FBLN7: variants seen among roughly 807,000 people sequenced by gnomAD.
FBLN7 encodes fibulin 7, also known as fibulin-7.
A neutral mutation model predicts 44.0 loss-of-function variants in FBLN7; 31 were observed. The observed-to-expected ratio is 0.70, with a 90% CI of 0.53 to 0.95. The LOEUF is 0.95. Ranked by LOEUF, FBLN7 falls within the 40% of genes least tolerant of loss-of-function variation. The probability of loss-of-function intolerance (pLI) is 0.00; values close to 1 mark genes in which losing one functional copy is unlikely to be tolerated. For synonymous variants in FBLN7, 262 were observed against 253.4 expected, an observed-to-expected ratio of 1.03 and a Z score of -0.32; for missense variants, 573 against 618.5, an observed-to-expected ratio of 0.93 and a Z score of 0.78.
chr2:112,169,691 C>T (rs932930219), intron 3 of FBLN7, among the ~76,000 whole-genome samples: 7 of 152,144 alleles, frequency 4.6e-5, no homozygotes, highest in African/African-American at 1.4e-4. Flanking sequence ...CCCACAGACA[C>T]GACCCTGGCC....
At chr2:112,206,375 ATGTTCCCTATTATTTTTC>A in the FBLN7 span, among the ~76,000 whole-genome samples, 55 of 152,058 alleles carry the variant, frequency 3.6e-4, no homozygotes, top group African/African-American at 1.3e-3. Flanking sequence ...GGTTTCACTG[ATGTTCCCTATTATTTTTC>A]TGTTTACAGT....
chr2:112,142,768 T>TTG (rs60060928), intron 1 of FBLN7, among the ~76,000 whole-genome samples: 11 of 151,452 alleles, frequency 7.3e-5, no homozygotes, highest in Middle Eastern at 3.4e-3. Context: ...ATGTGTGTGT[T>TTG]TGTGTGTGTG....
chr2:112,165,123 G>A lies in FBLN7; in HGVS notation c.358G>A (p.Val120Met). 1 of 1,614,186 alleles carries A rather than the reference G, an allele frequency of 6.2e-7. No homozygotes were observed. Among genetic ancestry groups the A allele is most frequent in the Non-Finnish European group, 8.5e-7 (1 of 1,180,020 alleles). Residue 120 changes from valine to methionine, a missense_variant, in exon 3 of 8, where the codon GTG becomes ATG. Physicochemically the swap from Val to Met is conservative, Grantham distance 21. Coordinates refer to ENST00000331203, the MANE Select transcript of FBLN7 (RefSeq NM_153214.3). ...CCGGCTGGTCGGGCCCAGCAGCGTG[G>A]TGTGTCTTCCCAATGGCACCTGGAC... ...GFRLVGPSSV[V>M]CLPNGTWTGE...
At chr2:112,204,308 A>G in the FBLN7 span, among the ~76,000 whole-genome samples, 4 of 151,946 alleles carry the variant, frequency 2.6e-5, no homozygotes, top group East Asian at 5.8e-4. Flanking sequence ...TGAGCCTTAG[A>G]TATTTGTGAG....
the FBLN7 span, among the ~76,000 whole-genome samples, chr2:112,208,898 C>A: frequency 1.3e-5 from 2 of 152,098 alleles, no homozygotes; most frequent in Non-Finnish European, 2.9e-5. Context: ...CAAATTAACC[C>A]TCTGGACCTA....
At chr2:112,146,735 A>G (rs1286271153) in intron 1 of FBLN7, among the ~76,000 whole-genome samples, 2 of 152,170 alleles carry the variant, frequency 1.3e-5, no homozygotes, top group African/African-American at 4.8e-5. Flanking sequence ...TACATGGACA[A>G]TCATGTCATC....
the FBLN7 span, among the ~76,000 whole-genome samples, chr2:112,201,599 A>G: frequency 6.6e-6 from 1 of 152,164 alleles, no homozygotes; most frequent in African/African-American, 2.4e-5. Flanking sequence ...CAGGCAGTCC[A>G]GAGTGGCAGG....
At chr2:112,218,275 C>T in the FBLN7 span, among the ~76,000 whole-genome samples, 2 of 152,160 alleles carry the variant, frequency 1.3e-5, no homozygotes, top group South Asian at 4.1e-4. Context: ...ATGAACCTCA[C>T]CCCAAAGGCA....
chr2:112,231,887 T>C, the FBLN7 span: 6 of 1,593,336 alleles, frequency 3.8e-6, no homozygotes, highest in Non-Finnish European at 5.1e-6. Context: ...ATGAGAAAAC[T>C]TGCAGTATTC....
the FBLN7 span, among the ~76,000 whole-genome samples, chr2:112,227,818 A>T: frequency 6.6e-6 from 1 of 151,458 alleles, no homozygotes; most frequent in Admixed American, 6.6e-5. Context: ...GAAACTGAAG[A>T]TCTAAATAAA....
chr2:112,194,992 C>T, the FBLN7 span, among the ~76,000 whole-genome samples: 2 of 152,162 alleles, frequency 1.3e-5, no homozygotes, highest in Admixed American at 1.3e-4. Flanking sequence ...GGAAAGGGAT[C>T]ACTGGAAGAG....
At chr2:112,145,464 A>C (rs1045648396) in intron 1 of FBLN7, among the ~76,000 whole-genome samples, 2 of 152,104 alleles carry the variant, frequency 1.3e-5, no homozygotes, top group Non-Finnish European at 2.9e-5. Flanking sequence ...TATATATTCT[A>C]AATACAAAGC....
At chr2:112,238,375 C>T in the FBLN7 span, 4 of 1,613,682 alleles carry the variant, frequency 2.5e-6, no homozygotes, top group Non-Finnish European at 2.5e-6. Context: ...GCAGCATTTG[C>T]CATTTCTCTG....
chr2:112,166,608 A>G (rs535654193), intron 3 of FBLN7, among the ~76,000 whole-genome samples: 1 of 152,322 alleles, frequency 6.6e-6, no homozygotes, highest in East Asian at 1.9e-4. Context: ...GGAAATGCCA[A>G]TATCTGGTAT....
the FBLN7 span, among the ~76,000 whole-genome samples, chr2:112,219,588 T>C: frequency 6.6e-6 from 1 of 152,222 alleles, no homozygotes; most frequent in Non-Finnish European, 1.5e-5. Context: ...TTTTGAGCGA[T>C]TTTCTTAGCA....
At chr2:112,186,337 T>G (rs1467081188) in intron 7 of FBLN7, among the ~76,000 whole-genome samples, 1 of 152,194 alleles carries the variant, frequency 6.6e-6, no homozygotes. Context: ...CAGGGCTTCC[T>G]GCGTTGAGAA....
At chr2:112,172,226 CTT>C (rs1682502370) in intron 3 of FBLN7, among the ~76,000 whole-genome samples, 1 of 152,170 alleles carries the variant, frequency 6.6e-6, no homozygotes, top group Admixed American at 6.5e-5. Flanking sequence ...TTTTTTAACA[CTT>C]TGTTTGAATC....
chr2:112,178,212 G>C (rs1479885664), intron 4 of FBLN7, among the ~76,000 whole-genome samples: 1 of 146,192 alleles, frequency 6.8e-6, no homozygotes, highest in Non-Finnish European at 1.5e-5. Flanking sequence ...TTATGTTCCT[G>C]GCAAAAACCA....
At chr2:112,233,374 A>T in the FBLN7 span, 8 of 1,556,944 alleles carry the variant, frequency 5.1e-6, no homozygotes, top group African/African-American at 1.1e-4. Flanking sequence ...TGGTCTCCCT[A>T]GGCCAAAAGA....
Sources: gnomAD v4.1 joint callset for allele counts (sites outside exome capture counted in the v4.1 genomes callset) on GRCh38, gnomAD v4.1.1 for gene constraint, MANE v1.5 for transcripts, NCBI Gene and HGNC (gene_info 2026-07-23, HGNC 2026-07-21) for gene names.